The following CCSER1 variants were observed in gnomAD, a reference collection of about 807,000 sequenced individuals.
CCSER1 encodes coiled-coil serine rich protein 1.
A neutral mutation model predicts 82.0 loss-of-function variants in CCSER1; 41 were observed. The observed-to-expected ratio is 0.50, with a 90% CI of 0.39 to 0.65. CCSER1 has a LOEUF of 0.65. Ranked by LOEUF, CCSER1 falls within the 30% of genes least tolerant of loss-of-function variation. CCSER1 has a pLI of 0.00. For synonymous variants in CCSER1, 414 were observed against 383.9 expected (o/e 1.08, Z -0.92); for missense variants, 1,119 against 1,064.2 (o/e 1.05, Z -0.72).
intron 6 of CCSER1, among the ~76,000 whole-genome samples, chr4:90,694,797 G>GGGTGTGT (rs1553987833): frequency 5.5e-4 from 80 of 145,452 alleles, no homozygotes; most frequent in African/African-American, 1.2e-3. Context: ...GTGTGTGTGG[G>GGGTGTGT]GTGTGTGTGT....
At chr4:90,728,696 T>C (rs1263912002) in intron 7 of CCSER1, among the ~76,000 whole-genome samples, 2 of 152,056 alleles carry the variant, frequency 1.3e-5, no homozygotes, top group Non-Finnish European at 2.9e-5. Flanking sequence ...TATTCTACCA[T>C]GAAATACTGG....
At chr4:91,414,367 A>G (rs1753230627) in intron 10 of CCSER1, among the ~76,000 whole-genome samples, 1 of 152,152 alleles carries the variant, frequency 6.6e-6, no homozygotes, top group Non-Finnish European at 1.5e-5. Flanking sequence ...ATAAAATTTT[A>G]TAACACTAAG....
chr4:90,877,775 A>C (rs1376890211), intron 8 of CCSER1, among the ~76,000 whole-genome samples: 2 of 151,552 alleles, frequency 1.3e-5, no homozygotes, highest in African/African-American at 4.8e-5. Context: ...GAGATCTTGC[A>C]TGATACCACT....
At chr4:91,232,635 A>G (rs1738708306) in intron 10 of CCSER1, among the ~76,000 whole-genome samples, 1 of 151,834 alleles carries the variant, frequency 6.6e-6, no homozygotes, top group African/African-American at 2.4e-5. Context: ...GTTGAATTTT[A>G]TATCACATAT....
intron 9 of CCSER1, among the ~76,000 whole-genome samples, chr4:90,933,025 AAAGAAAG>A (rs1203696182): frequency 4.1e-5 from 4 of 98,412 alleles, no homozygotes; most frequent in East Asian, 5.4e-4. Flanking sequence ...AGAAAGAAAG[AAAGAAAG>A]AAAGAAAGAA....
chr4:90,570,173 C>T (rs925938394), intron 5 of CCSER1, among the ~76,000 whole-genome samples: 1 of 152,192 alleles, frequency 6.6e-6, no homozygotes, highest in African/African-American at 2.4e-5. Flanking sequence ...GGGCATCCCT[C>T]CCTTCATAAG....
intron 9 of CCSER1, among the ~76,000 whole-genome samples, chr4:91,050,871 T>C (rs578079004): frequency 6.6e-6 from 1 of 152,338 alleles, no homozygotes; most frequent in East Asian, 1.9e-4. Context: ...TGAATAGCTA[T>C]CTCGTTGAAA....
chr4:91,352,407 C>T (rs2149301500), intron 10 of CCSER1, among the ~76,000 whole-genome samples: 1 of 152,222 alleles, frequency 6.6e-6, no homozygotes, highest in Non-Finnish European at 1.5e-5. Flanking sequence ...CCACCATGCC[C>T]AGCTAAGTTT....
At chr4:90,407,341 G>A (rs1339940641) in intron 4 of CCSER1, among the ~76,000 whole-genome samples, 11 of 152,108 alleles carry the variant, frequency 7.2e-5, no homozygotes, top group Admixed American at 6.6e-4. Flanking sequence ...ATAATAAGCA[G>A]CAAGCTTGAA....
At chr4:91,385,236 G>C (rs992150905) in intron 10 of CCSER1, among the ~76,000 whole-genome samples, 6 of 151,912 alleles carry the variant, frequency 3.9e-5, no homozygotes, top group Admixed American at 6.6e-5. Flanking sequence ...TTAAGCATCT[G>C]TAAAAAGAAT....
chr4:90,628,861 A>G (rs1028755809), intron 6 of CCSER1, among the ~76,000 whole-genome samples: 3 of 152,164 alleles, frequency 2.0e-5, no homozygotes, highest in Non-Finnish European at 4.4e-5. Flanking sequence ...GATTTTTATA[A>G]TTACAACAGT....
At chr4:90,958,552 C>G (rs1256860016) in intron 9 of CCSER1, among the ~76,000 whole-genome samples, 2 of 151,940 alleles carry the variant, frequency 1.3e-5, no homozygotes, top group African/African-American at 4.8e-5. Flanking sequence ...GTCGAGAAGG[C>G]TGCATGCAGT....
At chr4:91,019,545 A>G (rs1156973106) in intron 9 of CCSER1, among the ~76,000 whole-genome samples, 1 of 152,206 alleles carries the variant, frequency 6.6e-6, no homozygotes, top group Non-Finnish European at 1.5e-5. Context: ...ATGATGATTT[A>G]TAAGACAAAT....
chr4:91,523,984 G>A (rs1560737114), intron 10 of CCSER1, among the ~76,000 whole-genome samples: 1 of 152,244 alleles, frequency 6.6e-6, no homozygotes, highest in East Asian at 1.9e-4. Context: ...CTGCCATATT[G>A]AACAACAACA....
chr4:91,374,663 A>AAG (rs1432557710), intron 10 of CCSER1, among the ~76,000 whole-genome samples: 1 of 152,238 alleles, frequency 6.6e-6, no homozygotes, highest in Non-Finnish European at 1.5e-5. Flanking sequence ...CAACTCATGG[A>AAG]TCAAGGAATA....
At chr4:90,452,864 C>T (rs529242213) in intron 4 of CCSER1, among the ~76,000 whole-genome samples, 1 of 152,236 alleles carries the variant, frequency 6.6e-6, no homozygotes, top group South Asian at 2.1e-4. Flanking sequence ...CTTTCTTCAC[C>T]TAGTGCCTGG....
intron 10 of CCSER1, among the ~76,000 whole-genome samples, chr4:91,412,058 G>T (rs931533310): frequency 6.6e-6 from 1 of 152,048 alleles, no homozygotes; most frequent in African/African-American, 2.4e-5. Context: ...TGTAGGAAAA[G>T]AAAAGTGACT....
At chr4:90,407,884 G>T (rs1753979927) in intron 4 of CCSER1, among the ~76,000 whole-genome samples, 1 of 152,152 alleles carries the variant, frequency 6.6e-6, no homozygotes, top group Non-Finnish European at 1.5e-5. Flanking sequence ...CCCTTTCCTA[G>T]TCAAAGAAAG....
intron 10 of CCSER1, among the ~76,000 whole-genome samples, chr4:91,225,594 C>T (rs909673847): frequency 1.3e-5 from 2 of 151,036 alleles, no homozygotes; most frequent in Admixed American, 1.3e-4. Flanking sequence ...AGATTAAAAC[C>T]TTTTAACTAA....
Sources: allele counts gnomAD v4.1 joint callset (sites outside exome capture counted in the v4.1 genomes callset), GRCh38; gene constraint gnomAD v4.1.1; transcripts MANE v1.5; gene names NCBI Gene and HGNC (gene_info 2026-07-23, HGNC 2026-07-21).